CWF19L1: variants seen among roughly 807,000 people sequenced by gnomAD.
CWF19L1 encodes the protein CWF19 like cell cycle control factor 1.
Under a neutral mutation model 69.7 loss-of-function variants are expected in CWF19L1, and 60 were observed. The ratio of observed to expected loss-of-function variants is 0.86; its 90% confidence interval spans 0.70 to 1.07. The LOEUF (loss-of-function observed/expected upper bound fraction) is 1.07. CWF19L1 is among the 50% of genes least tolerant of loss of function. The probability of loss-of-function intolerance (pLI) is 0.00; values close to 1 mark genes in which losing one functional copy is unlikely to be tolerated. For synonymous variants in CWF19L1, 209 were observed against 222.2 expected (o/e 0.94, Z 0.53); for missense variants, 591 against 638.9 (o/e 0.92, Z 0.81).
Position 100,236,840 on chromosome 10 carries a change from CCT to C in CWF19L1, c.1374+8_1374+9del, listed in dbSNP as rs767282622. ...TACTCTTCCCTGAATATCACCATCC[CCT>C]GTTTCACCTGCTTGATGTCAGAGTG... On this transcript the variant is annotated splice_region_variant and intron_variant, in intron 12 of 13. Coordinates refer to ENST00000354105, the MANE Select transcript of CWF19L1 (RefSeq NM_018294.6). 1.9e-4 allele frequency: 296 copies of C among 1,577,162 alleles called. 1 individual carries two copies. The highest frequency in any genetic ancestry group is 1.2e-3 in the Middle Eastern group (7 of 5,880).
At chr10:100,265,501 A>C in intron 1 of CWF19L1, among the ~76,000 whole-genome samples, 1 of 148,186 alleles carries the variant, frequency 6.7e-6, no homozygotes, top group African/African-American at 2.5e-5. Context: ...TTTCCTGTAT[A>C]CAGTATTTTC....
At chr10:100,244,676 C>G (rs1286428856) in intron 9 of CWF19L1, among the ~76,000 whole-genome samples, 1 of 150,612 alleles carries the variant, frequency 6.6e-6, no homozygotes, top group African/African-American at 2.4e-5. Context: ...TTTTTTGAGA[C>G]AGGGCCTTGC....
At chr10:100,259,466 T>A (rs1204585513) in intron 4 of CWF19L1, among the ~76,000 whole-genome samples, 2 of 152,022 alleles carry the variant, frequency 1.3e-5, no homozygotes, top group African/African-American at 4.8e-5. Flanking sequence ...AACCTTAGAG[T>A]GAAACCTAGA....
chr10:100,250,779 C>T (rs1015366366), intron 6 of CWF19L1, among the ~76,000 whole-genome samples: 2 of 151,804 alleles, frequency 1.3e-5, no homozygotes, highest in Non-Finnish European at 2.9e-5. Flanking sequence ...GACTCTGTCT[C>T]TACAAAAAAA....
intron 6 of CWF19L1, among the ~76,000 whole-genome samples, chr10:100,253,098 T>C (rs749790245): frequency 5.3e-5 from 8 of 152,162 alleles, no homozygotes; most frequent in Non-Finnish European, 8.8e-5. Context: ...TTGCACACTA[T>C]AGTCTTGAAC....
chr10:100,244,513 G>A (rs1263708975), intron 9 of CWF19L1, among the ~76,000 whole-genome samples: 2 of 151,920 alleles, frequency 1.3e-5, no homozygotes, highest in African/African-American at 2.4e-5. Flanking sequence ...CTGCCACCAC[G>A]CCTGGTTAAT....
At chr10:100,255,833 G>C (rs1847193850) in intron 5 of CWF19L1, among the ~76,000 whole-genome samples, 1 of 151,884 alleles carries the variant, frequency 6.6e-6, no homozygotes, top group African/African-American at 2.4e-5. Context: ...AGGAGGCTGA[G>C]GCAGGAGAAT....
Position 100,233,124 on chromosome 10 carries a change from G to A in CWF19L1, c.*103C>T. 3 of 1,217,800 alleles carry A rather than the reference G, an allele frequency of 2.5e-6. No homozygotes were observed. The highest frequency in any genetic ancestry group is 3.3e-6 in the Non-Finnish European group (3 of 895,852). 75.4% of individuals were successfully genotyped at this position (1,217,800 alleles called of 1,614,324 possible). A position where few individuals can be genotyped will look rare whatever the true frequency, so the allele number is the denominator to read the frequency against. On this transcript the variant is annotated 3_prime_UTR_variant, in exon 14 of 14. Transcript: ENST00000354105. ...AGTTATGCCACTGCAATCCTGCTTG[G>A]GTGACAGAGCGAGACTTTGTCTCAA...
intron 10 of CWF19L1, among the ~76,000 whole-genome samples, chr10:100,239,889 T>C (rs1469551231): frequency 6.6e-6 from 1 of 152,182 alleles, no homozygotes; most frequent in Non-Finnish European, 1.5e-5. Flanking sequence ...TTTTTTTTAT[T>C]TGTATAATAA....
At position 100,238,200 on chromosome 10, in the gene CWF19L1, G is replaced by A. The variant is rs1846514527; in HGVS notation, c.1076C>T (p.Ser359Phe). ...AGGCAGGATGAGGACATGGTCATCA[G>A]ATAAGCCTCCTTTGGCCAGGGCAAG... is the stretch of plus-strand genomic sequence containing the variant. ...CYLALAKGGLSDDHVLILPIG... is the reference protein window; with the variant it reads ...CYLALAKGGLFDDHVLILPIG... Residue 359 changes from serine (S) to phenylalanine (F), a missense_variant, in exon 11 of 14, where the codon TCT becomes TTT. Physicochemically the swap from Ser to Phe is radical, Grantham distance 155 (BLOSUM62 -2). Coordinates refer to ENST00000354105, the MANE Select transcript of CWF19L1 (RefSeq NM_018294.6). 1.2e-6 allele frequency: 2 copies of A among 1,614,194 alleles called. No homozygotes were observed. Among genetic ancestry groups the A allele is most frequent in the African/African-American group, 1.3e-5 (1 of 75,052 alleles).
Position 100,245,840 on chromosome 10 carries a change from T to C in CWF19L1, c.923A>G (p.Asp308Gly). The change falls in exon 9 of 14, where the codon GAT becomes GGT. Residue 308 changes from aspartate (D) to glycine (G), a missense_variant. Coordinates refer to ENST00000354105, the MANE Select transcript of CWF19L1 (RefSeq NM_018294.6). The stretch of plus-strand genomic sequence containing the variant: ...CTTTGGATGAGGAGAAGATTTGCTA[T>C]CTCTACCTGTGGATGAACGCTTCCT... Reference protein sequence around the residue: ...QGRKRSSTGRDSKSSPHPKQP... With the variant: ...QGRKRSSTGRGSKSSPHPKQP... 1 of 1,614,220 alleles carries C rather than the reference T, an allele frequency of 6.2e-7. No homozygotes were observed. The highest frequency in any genetic ancestry group is 1.3e-5 in the African/African-American group (1 of 75,062).
intron 1 of CWF19L1, chr10:100,267,358 G>T: frequency 2.2e-6 from 2 of 909,986 alleles, no homozygotes; most frequent in Non-Finnish European, 2.6e-6. Flanking sequence ...CTCCGAACGA[G>T]CGTCGCCAAG....
At chr10:100,251,733 G>A (rs529822038) in intron 6 of CWF19L1, among the ~76,000 whole-genome samples, 1 of 151,970 alleles carries the variant, frequency 6.6e-6, no homozygotes, top group East Asian at 1.9e-4. Context: ...GGATGGTCTC[G>A]ATCTCCTGAC....
In CWF19L1 at chr10:100,256,440, T is replaced by G. The variant is rs774340405; in HGVS notation, c.326A>C (p.Gln109Pro). ...KGIFTGSSGLQIVYLSGTESL... is the reference protein window; with the variant it reads ...KGIFTGSSGLPIVYLSGTESL... ...TTCTGTCCCACTGAGGTACACAATC[T>G]GCAGCCCCGAGCTTCCAGTGAAGAT... Residue 109 changes from glutamine (Q) to proline (P), a missense_variant, in exon 5 of 14, where the codon CAG becomes CCG. Gln to Pro is a moderately conservative substitution (Grantham distance 76). This residue lies in a region of CWF19L1 where 129 missense variants were observed against 131.3 expected (regional missense o/e 0.98). Transcript: ENST00000354105. The G allele has an allele frequency of 1.9e-6, 3 of 1,614,080 alleles. No individual in the cohort carries two copies. The highest frequency in any genetic ancestry group is 2.5e-6 in the Non-Finnish European group (3 of 1,180,038).
chr10:100,256,332 T>C lies in CWF19L1; in HGVS notation c.434A>G (p.Gln145Arg), dbSNP rs767679051. The C allele has an allele frequency of 1.2e-6, 2 of 1,614,154 alleles. No homozygotes were observed. Among genetic ancestry groups the C allele is most frequent in the East Asian group, 2.2e-5 (1 of 44,884 alleles). The change falls in exon 5 of 14, where the codon CAG (glutamine) becomes CGG (arginine). Residue 145 changes from glutamine to arginine, a missense_variant. Physicochemically the swap from Gln to Arg is conservative, Grantham distance 43. Transcript: ENST00000354105. ...GAGCAAGATATCAACACCCTTAAAC[T>C]GGGAGGTTGTACACAGCATCATTCT... Reference protein sequence around the residue: ...SLRMMLCTTSQFKGVDILLTS... With the variant: ...SLRMMLCTTSRFKGVDILLTS...
chr10:100,257,780 C>G (rs1389505516), intron 4 of CWF19L1, among the ~76,000 whole-genome samples: 2 of 152,044 alleles, frequency 1.3e-5, no homozygotes, highest in Admixed American at 1.3e-4. Context: ...GTTCCTACCC[C>G]CTAGATGAAG....
chr10:100,247,503 A>G (rs1846866035), intron 7 of CWF19L1, among the ~76,000 whole-genome samples: 1 of 152,260 alleles, frequency 6.6e-6, no homozygotes, highest in Non-Finnish European at 1.5e-5. Context: ...AAAACTTTAG[A>G]TAAGATATAA....
chr10:100,238,302 C>T (rs1364595936), intron 10 of CWF19L1, 71 bp from the exon 11 acceptor site: 21 of 1,436,840 alleles, frequency 1.5e-5, no homozygotes, highest in African/African-American at 2.8e-5. Flanking sequence ...AAAACCTATA[C>T]AAAAAGTGAG....
chr10:100,266,752 G>A (rs1847604706), intron 1 of CWF19L1, among the ~76,000 whole-genome samples: 1 of 146,172 alleles, frequency 6.8e-6, no homozygotes, highest in African/African-American at 2.6e-5. Flanking sequence ...ACTCCTGACC[G>A]CAAGTGATCC....
Sources: gnomAD v4.1 joint callset for allele counts (sites outside exome capture counted in the v4.1 genomes callset) on GRCh38, gnomAD v4.1.1 for gene constraint, gnomAD v4.1.1 regional missense constraint, MANE v1.5 for transcripts, NCBI Gene and HGNC (gene_info 2026-07-23, HGNC 2026-07-21) for gene names.